The following PNPT1 variants were observed in gnomAD, a reference collection of about 807,000 sequenced individuals.
PNPT1 encodes the protein polyribonucleotide nucleotidyltransferase 1.
Under a neutral mutation model 119.5 loss-of-function variants are expected in PNPT1, and 53 were observed. The ratio of observed to expected loss-of-function variants is 0.44; its 90% confidence interval spans 0.36 to 0.56. The LOEUF (loss-of-function observed/expected upper bound fraction) is 0.56, where lower values mean the gene tolerates loss of function less well. Among genes scored for constraint, PNPT1 ranks in the 20% least tolerant of loss-of-function variants. The pLI, the probability that PNPT1 is intolerant of heterozygous loss-of-function variation, is 0.00. For synonymous variants in PNPT1, 357 were observed against 322.1 expected, an observed-to-expected ratio of 1.11 and a Z score of -1.16; for missense variants, 948 against 938.5, an observed-to-expected ratio of 1.01 and a Z score of -0.13.
At chr2:55,651,954 G>C (rs545283940) in intron 18 of PNPT1, among the ~76,000 whole-genome samples, 1 of 146,256 alleles carries the variant, frequency 6.8e-6, no homozygotes, top group African/African-American at 2.5e-5. Context: ...CACCTCTTTC[G>C]AGTAGATTCC....
intron 8 of PNPT1, among the ~76,000 whole-genome samples, chr2:55,676,031 C>G (rs1037359868): frequency 6.6e-6 from 1 of 152,028 alleles, no homozygotes; most frequent in Admixed American, 6.6e-5. Context: ...GAAGCTGAGG[C>G]AGGTGGATCA....
chr2:55,644,786 G>A, intron 22 of PNPT1, 66 bp from the exon 23 acceptor site: 2 of 1,150,044 alleles, frequency 1.7e-6, no homozygotes, highest in South Asian at 1.8e-5. Flanking sequence ...AACATGCCAT[G>A]GTCACTTGAG....
At chr2:55,665,160 T>C (rs1435848679) in intron 13 of PNPT1, among the ~76,000 whole-genome samples, 1 of 152,188 alleles carries the variant, frequency 6.6e-6, no homozygotes, top group Non-Finnish European at 1.5e-5. Flanking sequence ...TTTATAAACT[T>C]TGACTATCAT....
intron 13 of PNPT1, among the ~76,000 whole-genome samples, chr2:55,662,844 C>G (rs1010605532): frequency 1.3e-5 from 2 of 151,510 alleles, no homozygotes; most frequent in Non-Finnish European, 2.9e-5. Context: ...GAGGCTGATT[C>G]TGAGTTGATT....
intron 8 of PNPT1, 34 bp from the exon 9 acceptor site, chr2:55,673,113 C>A: frequency 6.9e-7 from 1 of 1,459,108 alleles, no homozygotes; most frequent in Non-Finnish European, 9.2e-7. Flanking sequence ...AAAATGACTG[C>A]CATCGAAGCT....
chr2:55,684,260 G>C (rs1697330580), intron 4 of PNPT1, among the ~76,000 whole-genome samples: 1 of 152,218 alleles, frequency 6.6e-6, no homozygotes, highest in South Asian at 2.1e-4. Flanking sequence ...GGGAGGCTGA[G>C]GCGGGTGGAT....
chr2:55,680,170 CTT>C (rs1697200101), intron 7 of PNPT1, among the ~76,000 whole-genome samples: 1 of 152,162 alleles, frequency 6.6e-6, no homozygotes, highest in South Asian at 2.1e-4. Flanking sequence ...CAAATCTGCT[CTT>C]CTCTATCATA....
chr2:55,657,282 C>CG (rs1696415502), intron 15 of PNPT1, among the ~76,000 whole-genome samples: 1 of 151,798 alleles, frequency 6.6e-6, no homozygotes. Context: ...TAAGCCGAGA[C>CG]TGCACCACTG....
At chr2:55,658,388 T>C (rs1204523735) in intron 15 of PNPT1, among the ~76,000 whole-genome samples, 1 of 152,072 alleles carries the variant, frequency 6.6e-6, no homozygotes, top group Non-Finnish European at 1.5e-5. Context: ...GGTATTGAGA[T>C]TGGGATGAAG....
intron 14 of PNPT1, 37 bp from the exon 15 acceptor site, chr2:55,660,230 G>A (rs1696522366): frequency 2.0e-6 from 3 of 1,521,454 alleles, no homozygotes; most frequent in South Asian, 1.3e-5. Context: ...AACATCATAG[G>A]GAAAAAACAT....
intron 14 of PNPT1, 125 bp downstream of exon 14, chr2:55,661,831 C>G: frequency 1.1e-6 from 1 of 891,186 alleles, no homozygotes; most frequent in Non-Finnish European, 1.6e-6. Flanking sequence ...ATGATGTAAA[C>G]AGAAAAATGA....
chr2:55,662,753 T>C (rs1295005762), intron 13 of PNPT1, among the ~76,000 whole-genome samples: 1 of 152,088 alleles, frequency 6.6e-6, no homozygotes, highest in Non-Finnish European at 1.5e-5. Flanking sequence ...CACTCTACAA[T>C]GTATCATTCA....
chr2:55,683,903 C>A (rs1321187825), intron 4 of PNPT1, 69 bp from the exon 5 acceptor site: 4 of 1,439,186 alleles, frequency 2.8e-6, no homozygotes, highest in South Asian at 1.2e-5. Flanking sequence ...AACGTTTGAA[C>A]TAATATAGAT....
At chr2:55,660,366 T>G (rs777017995) in intron 14 of PNPT1, among the ~76,000 whole-genome samples, 173 bp from the exon 15 acceptor site, 1 of 152,200 alleles carries the variant, frequency 6.6e-6, no homozygotes, top group Non-Finnish European at 1.5e-5. Context: ...GAGATGATAT[T>G]TTCTTCTGGG....
intron 14 of PNPT1, among the ~76,000 whole-genome samples, 181 bp downstream of exon 14, chr2:55,661,775 A>T (rs1696583680): frequency 6.6e-6 from 1 of 152,210 alleles, no homozygotes; most frequent in African/African-American, 2.4e-5. Context: ...CAAATCAGTG[A>T]TTTAGAAGAC....
intron 14 of PNPT1, among the ~76,000 whole-genome samples, chr2:55,661,292 C>T (rs778054621): frequency 5.9e-5 from 9 of 151,710 alleles, no homozygotes; most frequent in Non-Finnish European, 1.0e-4. Flanking sequence ...GGAATTTCAC[C>T]GTTTTAGCCA....
chr2:55,683,411 A>C (rs949298991), intron 5 of PNPT1, among the ~76,000 whole-genome samples: 2 of 152,110 alleles, frequency 1.3e-5, no homozygotes, highest in Admixed American at 6.6e-5. Flanking sequence ...TCAGGAGTTC[A>C]AGACCAGCCT....
intron 18 of PNPT1, among the ~76,000 whole-genome samples, chr2:55,650,172 A>G (rs1161590150): frequency 6.6e-6 from 1 of 151,220 alleles, no homozygotes; most frequent in Non-Finnish European, 1.5e-5. Flanking sequence ...CTCTACCTCT[A>G]CCCACGGTCT....
Position 55,654,937 on chromosome 2 carries a change from T to C in PNPT1, c.1458A>G (p.Ala486=), listed in dbSNP as rs146092247. The change falls in exon 18 of 28, where the codon GCA becomes GCG. Residue 486 remains alanine (A), a synonymous_variant. Transcript: ENST00000447944. ...ATGCTAAACTTCCGCCACATGCAGATGCCATAGAAGATGACCCTATAGAAA... is the reference window on the plus strand; with the variant it reads ...ATGCTAAACTTCCGCCACATGCAGACGCCATAGAAGATGACCCTATAGAAA... ...VLESNGSSSM[A]SACGGSLALM... 1.9e-6 allele frequency: 3 copies of C among 1,613,482 alleles called. No individual in the cohort carries two copies. The African/African-American group carries it at 4.0e-5, about 22-fold the overall frequency.
Sources: allele counts gnomAD v4.1 joint callset (sites outside exome capture counted in the v4.1 genomes callset), GRCh38; gene constraint gnomAD v4.1.1; transcripts MANE v1.5; gene names NCBI Gene and HGNC (gene_info 2026-07-23, HGNC 2026-07-21).